Variants in INSL6 observed in about 807,000 individuals in gnomAD.
INSL6 encodes the protein insulin like 6.
A neutral mutation model predicts 9.4 loss-of-function variants in INSL6; 16 were observed. The ratio of observed to expected loss-of-function variants is 1.70; its 90% CI spans 1.15 to 2.59. The LOEUF is 2.59. Ranked by LOEUF, INSL6 falls within the 30% of genes most tolerant of loss-of-function variation. The pLI is 0.00. For synonymous variants in INSL6, 154 were observed against 96.9 expected, an observed-to-expected ratio of 1.59 and a Z score of -3.46; for missense variants, 391 against 257.3, an observed-to-expected ratio of 1.52 and a Z score of -3.56.
Position 5,170,662 on chromosome 9 carries a change from C to T in INSL6, c.290-6397G>A, listed in dbSNP as rs556103278. 3.3e-5 allele frequency among the ~76,000 whole-genome samples: 5 copies of T among 151,296 alleles called. 1 individual carries two copies. The South Asian group carries it at 8.4e-4, about 25-fold the overall frequency. On this transcript the variant is annotated intron_variant, in intron 1 of 1. Coordinates refer to ENST00000381641, the MANE Select transcript of INSL6 (RefSeq NM_007179.3). ...AATAAAAAGGATAAAGGGGATATCA[C>T]CACTGACCCCACAGAAATACAAACA...
chr9:5,162,913 T>G (rs951179329), downstream of INSL6, among the ~76,000 whole-genome samples: 2 of 152,174 alleles, frequency 1.3e-5, no homozygotes, highest in Non-Finnish European at 2.9e-5. Context: ...CCATTTTGGG[T>G]TCACTGGGTT....
the INSL6 span, among the ~76,000 whole-genome samples, chr9:5,010,711 C>G: frequency 6.6e-6 from 1 of 152,188 alleles, no homozygotes; most frequent in Non-Finnish European, 1.5e-5. Flanking sequence ...TCATTCCTTT[C>G]TGTAAACCTG....
intron 1 of INSL6, among the ~76,000 whole-genome samples, chr9:5,178,133 C>T (rs774793017): frequency 2.0e-5 from 3 of 152,200 alleles, no homozygotes; most frequent in Non-Finnish European, 4.4e-5. Context: ...CCTTGGCCTC[C>T]CAAAGTGCCA....
the INSL6 span, chr9:5,089,898 G>C: frequency 7.2e-7 from 1 of 1,390,356 alleles, no homozygotes; most frequent in Non-Finnish European, 9.5e-7. Flanking sequence ...TTAAATTCAA[G>C]GTATGTGTTT....
At chr9:5,062,500 TAAAAAAA>T in the INSL6 span, among the ~76,000 whole-genome samples, 48 of 58,246 alleles carry the variant, frequency 8.2e-4, 1 homozygote, top group African/African-American at 4.5e-3. Context: ...CTTCCATTTG[TAAAAAAA>T]AAAAAAAAAA....
At chr9:5,111,617 G>A in the INSL6 span, 2 of 373,286 alleles carry the variant, frequency 5.4e-6, no homozygotes, top group Admixed American at 3.7e-5. Context: ...GGTGGGCTTT[G>A]GCCCCATGCT....
chr9:5,137,995 T>C (rs1315792177), intron 2 of INSL6, among the ~76,000 whole-genome samples: 53 of 152,210 alleles, frequency 3.5e-4, no homozygotes. Flanking sequence ...TCATCATCAC[T>C]GGTCATTAGA....
the INSL6 span, among the ~76,000 whole-genome samples, chr9:5,038,209 A>G: frequency 3.9e-5 from 6 of 152,226 alleles, no homozygotes; most frequent in Admixed American, 1.3e-4. Flanking sequence ...GAAATGGACA[A>G]ATTCCTAGAA....
the INSL6 span, among the ~76,000 whole-genome samples, chr9:5,035,406 C>G: frequency 6.6e-6 from 1 of 152,110 alleles, no homozygotes; most frequent in Non-Finnish European, 1.5e-5. Flanking sequence ...ATCCTGATAC[C>G]AAAGCCTGGC....
downstream of INSL6, among the ~76,000 whole-genome samples, chr9:5,123,277 T>C (rs886657174): frequency 2.6e-5 from 4 of 151,916 alleles, no homozygotes; most frequent in Non-Finnish European, 4.4e-5. Flanking sequence ...ATACATTGTA[T>C]CCCTTAAATA....
At chr9:5,041,880 G>GC in the INSL6 span, 2 of 428,854 alleles carry the variant, frequency 4.7e-6, no homozygotes, top group Non-Finnish European at 9.0e-6. Flanking sequence ...CCACTCCAGC[G>GC]CCCATCAGGG....
At chr9:5,066,927 C>T in the INSL6 span, 1 of 384,578 alleles carries the variant, frequency 2.6e-6, no homozygotes. Context: ...GCTTAATTTC[C>T]TCAGAGATTC....
chr9:5,123,218 T>C, downstream of INSL6: 1 of 703,014 alleles, frequency 1.4e-6, no homozygotes. Flanking sequence ...ATGCATACAT[T>C]GCATAGTGGT....
chr9:5,118,742 G>A, the INSL6 span, among the ~76,000 whole-genome samples: 3 of 152,150 alleles, frequency 2.0e-5, no homozygotes, highest in Admixed American at 1.3e-4. Flanking sequence ...TCATTTCTAT[G>A]ACGCCTTCTG....
chr9:5,105,469 C>T, the INSL6 span, among the ~76,000 whole-genome samples: 4 of 152,244 alleles, frequency 2.6e-5, no homozygotes, highest in Non-Finnish European at 4.4e-5. Flanking sequence ...GAATCAATAT[C>T]GTGAAAATGG....
the INSL6 span, among the ~76,000 whole-genome samples, chr9:5,095,640 CTCAATTA>C: frequency 6.6e-6 from 1 of 152,114 alleles, no homozygotes; most frequent in African/African-American, 2.4e-5. Flanking sequence ...TAGCCCCTAT[CTCAATTA>C]TATTTCAAAT....
chr9:5,123,902 T>G (rs1258937246), exon 4 of INSL6, among the ~76,000 whole-genome samples: 2 of 150,944 alleles, frequency 1.3e-5, no homozygotes, highest in African/African-American at 4.9e-5. Flanking sequence ...TTTTTTTTTG[T>G]CATTCTGACT....
At chr9:5,111,912 G>C in the INSL6 span, 1 of 352,360 alleles carries the variant, frequency 2.8e-6, no homozygotes, top group Non-Finnish European at 5.6e-6. Flanking sequence ...GGAAGGCCTG[G>C]CCTCAATCTA....
chr9:5,116,657 T>C, the INSL6 span, among the ~76,000 whole-genome samples: 1 of 152,180 alleles, frequency 6.6e-6, no homozygotes, highest in Non-Finnish European at 1.5e-5. Context: ...TTATTAAGAC[T>C]CTACTGTGCT....
Sources: allele counts gnomAD v4.1 joint callset (sites outside exome capture counted in the v4.1 genomes callset), GRCh38; gene constraint gnomAD v4.1.1; transcripts MANE v1.5; gene names NCBI Gene and HGNC (gene_info 2026-07-23, HGNC 2026-07-21).